The following ACSL6 variants were observed in gnomAD, a reference collection of about 807,000 sequenced individuals.
The protein encoded by ACSL6 is long-chain-fatty-acid--CoA ligase 6.
ACSL6 carries 47 observed loss-of-function variants against 98.2 expected under a neutral mutation model. The ratio of observed to expected loss-of-function variants is 0.48; its 90% CI spans 0.38 to 0.61. The LOEUF is 0.61. Ranked by LOEUF, ACSL6 falls within the 20% of genes least tolerant of loss-of-function variation. The pLI, the probability that ACSL6 is intolerant of heterozygous loss-of-function variation, is 0.00. For synonymous variants in ACSL6, 362 were observed against 336.9 expected, an observed-to-expected ratio of 1.07 and a Z score of -0.82; for missense variants, 761 against 913.4, an observed-to-expected ratio of 0.83 and a Z score of 2.15.
At chr5:131,999,513 C>T (rs1436610009) in intron 1 of ACSL6, 1 of 152,240 alleles carries the variant, frequency 6.6e-6, no homozygotes, top group African/African-American at 2.4e-5. Context: ...AAGAAGTTAC[C>T]ACATCTTGAT....
At position 131,953,573 on chromosome 5, in the gene ACSL6, C is replaced by A; in HGVS notation, c.*661G>T. The A allele has an allele frequency of 5.3e-6, 1 of 188,730 alleles. No homozygotes were observed. Among genetic ancestry groups the A allele is most frequent in the African/African-American group, 2.3e-5 (1 of 42,924 alleles). 11.7% of individuals were successfully genotyped at this position (188,730 alleles called of 1,614,324 possible). On this transcript the variant is annotated 3_prime_UTR_variant, in exon 21 of 21. Coordinates refer to ENST00000651883, the MANE Select transcript of ACSL6 (RefSeq NM_001009185.3). ...TGAGCCATGATTAAGCCACTGCACT[C>A]CAGCCTAGGTGACAGAGCAGACCCT... is the stretch of plus-strand genomic sequence containing the variant.
intron 15 of ACSL6, among the ~76,000 whole-genome samples, chr5:131,968,458 T>C (rs1288439261): frequency 6.6e-6 from 1 of 152,204 alleles, no homozygotes; most frequent in Non-Finnish European, 1.5e-5. Context: ...CACCAGACTG[T>C]TGATTACTAT....
At position 131,954,196 on chromosome 5, in the gene ACSL6, A is replaced by G. The variant is rs1580615364; in HGVS notation, c.*38T>C. 1 of 1,580,088 alleles carries G rather than the reference A, an allele frequency of 6.3e-7. No individual in the cohort carries two copies. The highest frequency in any genetic ancestry group is 2.2e-5 in the East Asian group (1 of 44,470). On this transcript the variant is annotated 3_prime_UTR_variant, in exon 21 of 21. Transcript: ENST00000651883. Reference sequence around the variant, plus strand: ...TTTCAAGAATAACTATAATATTGCTAGACAGTTCATTACACTGAGAAGAAC... The same window carrying G: ...TTTCAAGAATAACTATAATATTGCTGGACAGTTCATTACACTGAGAAGAAC...
chr5:132,004,363 G>A (rs1755267518), intron 1 of ACSL6, among the ~76,000 whole-genome samples: 1 of 152,154 alleles, frequency 6.6e-6, no homozygotes, highest in African/African-American at 2.4e-5. Flanking sequence ...ACTACCAGGA[G>A]AAATAGCACA....
chr5:131,999,770 C>A, intron 1 of ACSL6: 1 of 152,434 alleles, frequency 6.6e-6, no homozygotes, highest in Non-Finnish European at 1.5e-5. Context: ...GGTGCTGGCT[C>A]AGATCAGCTC....
chr5:131,984,021 C>T (rs1209396708), intron 9 of ACSL6: 1 of 152,322 alleles, frequency 6.6e-6, no homozygotes, highest in East Asian at 1.9e-4. Flanking sequence ...AACCATGTCA[C>T]CAAAAATTCA....
intron 15 of ACSL6, chr5:131,968,260 A>G: frequency 2.1e-6 from 1 of 482,108 alleles, no homozygotes. Flanking sequence ...ATTCTTAATA[A>G]GCAGGACAGG....
At chr5:131,969,579 T>A (rs1185998338) in intron 15 of ACSL6, among the ~76,000 whole-genome samples, 2 of 152,160 alleles carry the variant, frequency 1.3e-5, no homozygotes, top group Non-Finnish European at 2.9e-5. Context: ...AATATCAGTA[T>A]ATTGGATTTT....
intron 8 of ACSL6, among the ~76,000 whole-genome samples, chr5:131,986,472 AGAGTCCATTTC>A (rs1236749142): frequency 1.7e-4 from 26 of 152,264 alleles, no homozygotes; most frequent in Admixed American, 5.2e-4. Context: ...ATTTGGCACA[AGAGTCCATTTC>A]TGGTTCTGCT....
intron 10 of ACSL6, among the ~76,000 whole-genome samples, chr5:131,976,433 T>C (rs941823328): frequency 1.3e-5 from 2 of 152,100 alleles, no homozygotes; most frequent in Non-Finnish European, 2.9e-5. Flanking sequence ...ACTGAATATT[T>C]GTCACGTATG....
At chr5:132,001,553 G>A (rs2126946566) in intron 1 of ACSL6, among the ~76,000 whole-genome samples, 2 of 152,322 alleles carry the variant, frequency 1.3e-5, no homozygotes, top group East Asian at 3.9e-4. Context: ...TAGAGGCCCA[G>A]GATACGATAC....
intron 2 of ACSL6, among the ~76,000 whole-genome samples, chr5:131,991,243 T>G (rs1202175954): frequency 6.6e-6 from 1 of 152,132 alleles, no homozygotes; most frequent in African/African-American, 2.4e-5. Context: ...CATACAGCAT[T>G]CACACAGCAG....
chr5:131,986,985 A>T (rs143313633), intron 7 of ACSL6, 131 bp from the exon 8 acceptor site: 2 of 76,800 alleles, frequency 2.6e-5, no homozygotes, highest in Admixed American at 1.6e-4. Context: ...ACACACTCAC[A>T]CACACACACA....
chr5:131,960,519 C>A lies in ACSL6; in HGVS notation c.1959+1G>T. The stretch of plus-strand genomic sequence containing the variant: ...TCAGGAGACAGCCCCAAGATACCAA[C>A]CTTATTTGTGCAGAGATCTGCATAT... On this transcript the variant is annotated splice_donor_variant, in intron 19 of 20. Coordinates refer to ENST00000651883, the MANE Select transcript of ACSL6 (RefSeq NM_001009185.3). LOFTEE classifies it high-confidence loss of function. 1.2e-6 allele frequency: 2 copies of A among 1,611,990 alleles called. No homozygotes were observed. Among genetic ancestry groups the A allele is most frequent in the Non-Finnish European group, 1.7e-6 (2 of 1,179,308 alleles).
At chr5:132,004,781 C>T (rs564189056) in intron 1 of ACSL6, among the ~76,000 whole-genome samples, 1 of 152,296 alleles carries the variant, frequency 6.6e-6, no homozygotes, top group African/African-American at 2.4e-5. Context: ...GCCCAACCTC[C>T]ATTTCTCTCT....
chr5:131,988,611 A>C (rs1444726037), intron 6 of ACSL6, 194 bp downstream of exon 6: 2 of 1,612,946 alleles, frequency 1.2e-6, no homozygotes, highest in Non-Finnish European at 1.7e-6. Context: ...CTGTGGAAGG[A>C]ACCTTCGTGT....
chr5:131,978,126 A>T (rs1235706064), intron 9 of ACSL6, among the ~76,000 whole-genome samples: 1 of 152,254 alleles, frequency 6.6e-6, no homozygotes, highest in Non-Finnish European at 1.5e-5. Flanking sequence ...GAATCTGGAT[A>T]TGGAGTCTAC....
chr5:131,969,842 CAAGGGA>C (rs1753210176), intron 15 of ACSL6, among the ~76,000 whole-genome samples: 1 of 152,106 alleles, frequency 6.6e-6, no homozygotes, highest in African/African-American at 2.4e-5. Flanking sequence ...CCTTCAGGGC[CAAGGGA>C]AAGCAGGGCT....
chr5:131,989,951 C>G, intron 4 of ACSL6, 149 bp downstream of exon 4: 2 of 805,422 alleles, frequency 2.5e-6, no homozygotes, highest in East Asian at 5.4e-5. Flanking sequence ...TGCTGGAAGC[C>G]CTTCAAGGCT....
Sources: allele counts gnomAD v4.1 joint callset (sites outside exome capture counted in the v4.1 genomes callset), GRCh38; gene constraint gnomAD v4.1.1; transcripts MANE v1.5; gene names NCBI Gene and HGNC (gene_info 2026-07-23, HGNC 2026-07-21).